NHLRC2: variants seen among roughly 807,000 people sequenced by gnomAD.
NHLRC2 encodes the protein NHL repeat containing 2.
NHLRC2 carries 33 observed loss-of-function variants against 68.1 expected under a neutral mutation model. The ratio of observed to expected loss-of-function variants is 0.48; its 90% CI spans 0.37 to 0.65. NHLRC2 has a LOEUF of 0.65. Ranked by LOEUF, NHLRC2 falls within the 30% of genes least tolerant of loss-of-function variation. The probability of loss-of-function intolerance (pLI) is 0.00; values close to 1 mark genes in which losing one functional copy is unlikely to be tolerated. For missense variants in NHLRC2, 761 were observed against 853.8 expected (o/e 0.89, Z 1.35); for synonymous variants, 311 against 309.6 (o/e 1.00, Z -0.05).
chr10:113,899,913 C>T (rs537572795), intron 6 of NHLRC2, among the ~76,000 whole-genome samples: 3 of 150,390 alleles, frequency 2.0e-5, no homozygotes, highest in East Asian at 3.9e-4. Flanking sequence ...AGTGAGACTC[C>T]GTTTAAAAAA....
Position 113,913,618 on chromosome 10 carries a change from T to G in NHLRC2, c.*5082T>G, listed in dbSNP as rs1846349248. On this transcript the variant is annotated 3_prime_UTR_variant, in exon 11 of 11. Transcript: ENST00000369301. ...TCATAAAGAGCCTTTTGCACAGGACTATCTCAAACCCTAAGAAGCTATTCA... is the reference window on the plus strand; with the variant it reads ...TCATAAAGAGCCTTTTGCACAGGACGATCTCAAACCCTAAGAAGCTATTCA... 6.6e-6 allele frequency: 1 copy of G among 152,136 alleles called. No individual in the cohort carries two copies. The allele number at this position is 152,136 out of a possible 1,614,324, so 9.4% of individuals were successfully genotyped here. A position where few individuals can be genotyped will look rare whatever the true frequency, so the allele number is the denominator to read the frequency against.
Position 113,903,727 on chromosome 10 carries a change from G to A in NHLRC2, c.1695G>A (p.Met565Ile), listed in dbSNP as rs1414714993. Residue 565 changes from methionine (M) to isoleucine (I), a missense_variant, in exon 9 of 11, where the codon ATG (methionine) becomes ATA (isoleucine). Coordinates refer to ENST00000369301, the MANE Select transcript of NHLRC2 (RefSeq NM_198514.4). ...AAGTGATGGATTTAGAAACTAAAAT[G>A]GTATCTGTGGTAAGTAATTTTAAAA... ...QIKVMDLETK[M>I]VSVLPIFRSE... 5 of 1,486,206 alleles carry A rather than the reference G, an allele frequency of 3.4e-6. No homozygotes were observed. The highest frequency in any genetic ancestry group is 4.7e-6 in the Non-Finnish European group (5 of 1,065,856). 92.1% of individuals were successfully genotyped at this position (1,486,206 alleles called of 1,614,324 possible). A position where few individuals can be genotyped will look rare whatever the true frequency, so the allele number is the denominator to read the frequency against.
At chr10:113,907,518 ATGACATGTGTGTTCCTTCTAAGAG>A (rs1564860108) in intron 10 of NHLRC2, among the ~76,000 whole-genome samples, 1 of 152,190 alleles carries the variant, frequency 6.6e-6, no homozygotes, top group African/African-American at 2.4e-5. Flanking sequence ...CTTCCCCAGT[ATGACATGTGTGTTCCTTCTAAGAG>A]AAAGTCGAGA....
At chr10:113,865,280 A>AT (rs1845855217) in intron 2 of NHLRC2, among the ~76,000 whole-genome samples, 2 of 127,060 alleles carry the variant, frequency 1.6e-5, no homozygotes, top group Non-Finnish European at 3.2e-5. Context: ...ATCGCTTTTC[A>AT]TCCCCCCCCC....
At position 113,914,999 on chromosome 10, in the gene NHLRC2, G is replaced by C; in HGVS notation, c.*6463G>C. 2.2e-6 allele frequency: 1 copy of C among 456,290 alleles called. No individual in the cohort carries two copies. Among genetic ancestry groups the C allele is most frequent in the Non-Finnish European group, 4.4e-6 (1 of 226,980 alleles). The allele number at this position is 456,290 out of a possible 1,614,324, so 28.3% of individuals were successfully genotyped here. On this transcript the variant is annotated 3_prime_UTR_variant, in exon 11 of 11. Coordinates refer to ENST00000369301, the MANE Select transcript of NHLRC2 (RefSeq NM_198514.4). ...CCAATCACAGAGCCTGGGTAAGGTG[G>C]AACAGGAGGCAGCCCCACTCGGCTT... is the stretch of plus-strand genomic sequence containing the variant.
chr10:113,857,883 G>A (rs1845774922), intron 1 of NHLRC2, among the ~76,000 whole-genome samples: 1 of 151,852 alleles, frequency 6.6e-6, no homozygotes, highest in Admixed American at 6.6e-5. Flanking sequence ...TCTCCTTTAG[G>A]AAACTGTTTT....
At chr10:113,855,098 C>T (rs992383610) in intron 1 of NHLRC2, 48 bp downstream of exon 1, 54 of 1,476,324 alleles carry the variant, frequency 3.7e-5, no homozygotes, top group Non-Finnish European at 4.8e-5. Context: ...ACCTCCCCTT[C>T]CTCGGGGACG....
intron 2 of NHLRC2, among the ~76,000 whole-genome samples, chr10:113,860,588 A>G (rs1845806008): frequency 6.6e-6 from 1 of 152,174 alleles, no homozygotes; most frequent in South Asian, 2.1e-4. Flanking sequence ...AATTGTCTCT[A>G]AAAAATACCT....
chr10:113,900,356 A>G (rs1377878070), intron 6 of NHLRC2, among the ~76,000 whole-genome samples: 1 of 152,218 alleles, frequency 6.6e-6, no homozygotes, highest in Non-Finnish European at 1.5e-5. Context: ...AGGCATAATT[A>G]TAAACAGCAG....
chr10:113,902,363 TTTAAC>T (rs1846236552), intron 7 of NHLRC2, 103 bp from the exon 8 acceptor site: 1 of 728,978 alleles, frequency 1.4e-6, no homozygotes, highest in South Asian at 2.0e-5. Context: ...CATTTTCCCT[TTTAAC>T]TTAAATACCA....
rs948547666 is a variant in NHLRC2 at position 113,914,976 on chromosome 10, A to G, written c.*6440A>G. ...CCTCAGGCTTGCAGAAGGCTGCCCC[A>G]ATCACAGAGCCTGGGTAAGGTGGAA... On this transcript the variant is annotated 3_prime_UTR_variant, in exon 11 of 11. Coordinates refer to ENST00000369301, the MANE Select transcript of NHLRC2 (RefSeq NM_198514.4). 1.3e-5 allele frequency: 6 copies of G among 456,186 alleles called. No individual in the cohort carries two copies. The highest frequency in any genetic ancestry group is 4.0e-5 in the African/African-American group (2 of 50,094). 28.3% of individuals were successfully genotyped at this position (456,186 alleles called of 1,614,324 possible). A position where few individuals can be genotyped will look rare whatever the true frequency, so the allele number is the denominator to read the frequency against.
chr10:113,897,988 TTTTA>T, intron 5 of NHLRC2, 118 bp from the exon 6 acceptor site: 1 of 513,160 alleles, frequency 1.9e-6, no homozygotes, highest in Non-Finnish European at 3.3e-6. Flanking sequence ...TTGCAGATAT[TTTTA>T]TTTATCAGAT....
At chr10:113,855,079 C>A in intron 1 of NHLRC2, 29 bp downstream of exon 1, 1 of 1,527,274 alleles carries the variant, frequency 6.5e-7, no homozygotes, top group Non-Finnish European at 8.9e-7. Flanking sequence ...GGTGGGGGCC[C>A]CTCCCGGCAC....
intron 2 of NHLRC2, among the ~76,000 whole-genome samples, chr10:113,874,842 A>G (rs1437853767): frequency 1.3e-5 from 2 of 151,896 alleles, no homozygotes; most frequent in African/African-American, 2.4e-5. Context: ...CTTTTTGCCA[A>G]TGAGATCATC....
At chr10:113,858,791 C>G (rs1421710718) in intron 2 of NHLRC2, 111 bp downstream of exon 2, 1 of 667,726 alleles carries the variant, frequency 1.5e-6, no homozygotes, top group Non-Finnish European at 2.5e-6. Flanking sequence ...TTCAGGGATT[C>G]TAAAAGTAAT....
chr10:113,905,134 G>T lies in NHLRC2; in HGVS notation c.1924+98G>T, dbSNP rs569684785. 8 of 590,852 alleles carry T rather than the reference G, an allele frequency of 1.4e-5. No homozygotes were observed. In the East Asian group the frequency reaches 1.9e-4, roughly 14 times the overall value. The allele number at this position is 590,852 out of a possible 1,614,324, so 36.6% of individuals were successfully genotyped here. ...TAGGTGATATTTTTACTCTGTATAGGCAAGATTTGAAGATCATATGAACAA... is the reference window on the plus strand; with the variant it reads ...TAGGTGATATTTTTACTCTGTATAGTCAAGATTTGAAGATCATATGAACAA... On this transcript the variant is annotated intron_variant, in intron 10 of 10. Coordinates refer to ENST00000369301, the MANE Select transcript of NHLRC2 (RefSeq NM_198514.4).
intron 4 of NHLRC2, among the ~76,000 whole-genome samples, chr10:113,881,563 C>T (rs1373404518): frequency 6.6e-6 from 1 of 151,568 alleles, no homozygotes; most frequent in African/African-American, 2.4e-5. Flanking sequence ...ATTATAAATT[C>T]TCCTACTTCC....
chr10:113,862,840 T>C (rs1845829748), intron 2 of NHLRC2, among the ~76,000 whole-genome samples: 1 of 152,150 alleles, frequency 6.6e-6, no homozygotes, highest in Non-Finnish European at 1.5e-5. Context: ...AAGAAGGACA[T>C]TATATACTAA....
At chr10:113,888,151 G>C (rs889960510) in intron 5 of NHLRC2, among the ~76,000 whole-genome samples, 1 of 152,160 alleles carries the variant, frequency 6.6e-6, no homozygotes, top group African/African-American at 2.4e-5. Context: ...GTTGCTAGAG[G>C]CTAGGAATAA....
Sources: gnomAD v4.1 joint callset for allele counts (sites outside exome capture counted in the v4.1 genomes callset) on GRCh38, gnomAD v4.1.1 for gene constraint, MANE v1.5 for transcripts, NCBI Gene and HGNC (gene_info 2026-07-23, HGNC 2026-07-21) for gene names.